The following HK2 variants were observed in gnomAD, a reference collection of about 807,000 sequenced individuals.
The protein encoded by HK2 is hexokinase 2.
HK2 carries 42 observed loss-of-function variants against 92.9 expected under a neutral mutation model. The ratio of observed to expected loss-of-function variants is 0.45; its 90% CI spans 0.35 to 0.58. The LOEUF (loss-of-function observed/expected upper bound fraction) is 0.58, where lower values mean the gene tolerates loss of function less well. Ranked by LOEUF, HK2 falls within the 20% of genes least tolerant of loss-of-function variation. The probability of loss-of-function intolerance (pLI) is 0.00; values close to 1 mark genes in which losing one functional copy is unlikely to be tolerated. For missense variants in HK2, 978 were observed against 1,245.1 expected, an observed-to-expected ratio of 0.79 and a Z score of 3.23; for synonymous variants, 422 against 468.0, an observed-to-expected ratio of 0.90 and a Z score of 1.27.
chr2:74,875,482 C>A (rs1689206872), intron 7 of HK2, among the ~76,000 whole-genome samples: 1 of 152,076 alleles, frequency 6.6e-6, no homozygotes, highest in South Asian at 2.1e-4. Flanking sequence ...GCGCCTGCCA[C>A]CACGCCCAGC....
In HK2 at chr2:74,878,714, G is replaced by A. The variant is rs769417876; in HGVS notation, c.1058G>A (p.Arg353His). The change falls in exon 9 of 18, where the codon CGT becomes CAT. Residue 353 changes from arginine (R) to histidine (H), a missense_variant. By Grantham distance (29) the Arg-to-His change is conservative. Around this residue, in one of 3 missense-constraint regions of HK2, gnomAD observed 742 missense variants for 922.5 expected, o/e 0.80. Coordinates refer to ENST00000290573, the MANE Select transcript of HK2 (RefSeq NM_000189.5). ...GAGAAGGATGGCATCCGGAAGGCCC[G>A]TGAGGTCCTGATGCGGTTGGGCCTG... ...EGEKDGIRKA[R>H]EVLMRLGLDP... 1.2e-5 allele frequency: 19 copies of A among 1,606,760 alleles called. No individual in the cohort carries two copies. The highest frequency in any genetic ancestry group is 1.5e-5 in the Non-Finnish European group (18 of 1,176,640).
At chr2:74,880,195 CTGTCTAACTATT>C (rs1474851183) in intron 9 of HK2, 58 bp from the exon 10 acceptor site, 1 of 1,551,182 alleles carries the variant, frequency 6.4e-7, no homozygotes, top group African/African-American at 1.4e-5. Context: ...CGGTGGGCAA[CTGTCTAACTATT>C]TGCACCATTG....
Position 74,881,778 on chromosome 2 carries a change from G to C in HK2, c.1638G>C (p.Arg546=). Residue 546 remains arginine, a synonymous_variant, in exon 11 of 18, where the codon CGG becomes CGC. Transcript: ENST00000290573. ...TNFRVLLVRV[R]NGKWGGVEMH... is the part of the protein sequence containing the mutation. ...TCCGGGTCCTGCTGGTCCGTGTTCGGAATGGGAAGTGGGGTGGAGTGGAGA... is the reference window on the plus strand; with the variant it reads ...TCCGGGTCCTGCTGGTCCGTGTTCGCAATGGGAAGTGGGGTGGAGTGGAGA... The C allele has an allele frequency of 6.2e-7, 1 of 1,614,222 alleles. No individual in the cohort carries two copies. Among genetic ancestry groups the C allele is most frequent in the Non-Finnish European group, 8.5e-7 (1 of 1,180,052 alleles).
intron 1 of HK2, chr2:74,835,046 G>GAGGCTGCTCCGCTGCCGC (rs1688122094): frequency 3.4e-6 from 1 of 291,600 alleles, no homozygotes; most frequent in African/African-American, 2.3e-5. Flanking sequence ...GTGGCTGCGG[G>GAGGCTGCTCCGCTGCCGC]AGGCTGCTCC....
At chr2:74,861,910 A>G (rs1339250501) in intron 2 of HK2, among the ~76,000 whole-genome samples, 58 of 152,174 alleles carry the variant, frequency 3.8e-4, no homozygotes, top group Admixed American at 3.8e-3. Context: ...AGTGAGGGTA[A>G]GGCAGTGTCA....
At chr2:74,867,504 C>T in intron 2 of HK2, 132 bp from the exon 3 acceptor site, 1 of 844,634 alleles carries the variant, frequency 1.2e-6, no homozygotes. Flanking sequence ...TATGTAATGT[C>T]TGTAGAGGAG....
rs764570766 is a variant in HK2, at chr2:74,882,167, G to A, written c.1767G>A (p.Met589Ile). 1 of 1,614,184 alleles carries A rather than the reference G, an allele frequency of 6.2e-7. No individual in the cohort carries two copies. Among genetic ancestry groups the A allele is most frequent in the South Asian group, 1.1e-5 (1 of 91,080 alleles). The stretch of plus-strand genomic sequence containing the variant: ...GCATCGCGGACTTCCTCGAGTACAT[G>A]GGCATGAAGGGCGTGTCCCTGCCTC... ...VQCIADFLEY[M>I]GMKGVSLPLG... Residue 589 changes from methionine to isoleucine, a missense_variant, in exon 12 of 18, where the codon ATG becomes ATA. Transcript: ENST00000290573.
Position 74,877,183 on chromosome 2 carries a change from G to A in HK2, c.893G>A (p.Ser298Asn), listed in dbSNP as rs1334775646. ...TCCGGCAGGTTTGAGAAGATGATCA[G>A]TGGGATGTACATGGGGGAGCTGGTG... ...PGKQLFEKMI[S>N]GMYMGELVRL... Residue 298 changes from serine (S) to asparagine (N), a missense_variant, in exon 8 of 18, where the codon AGT (serine) becomes AAT (asparagine). Physicochemically the swap from Ser to Asn is conservative, Grantham distance 46 (BLOSUM62 1). Transcript: ENST00000290573. 1 of 1,614,044 alleles carries A rather than the reference G, an allele frequency of 6.2e-7. No homozygotes were observed. Among genetic ancestry groups the A allele is most frequent in the African/African-American group, 1.3e-5 (1 of 74,940 alleles).
chr2:74,882,250 C>A lies in HK2; in HGVS notation c.1839+11C>A. On this transcript the variant is annotated intron_variant, in intron 12 of 17. Coordinates refer to ENST00000290573, the MANE Select transcript of HK2 (RefSeq NM_000189.5). ...AACAGCCTGGACGAGGTAACAGCAC[C>A]TTCCTGGAGGGCTCTCCTGTGGGCT... 6.2e-7 allele frequency: 1 copy of A among 1,613,946 alleles called. No homozygotes were observed. Among genetic ancestry groups the A allele is most frequent in the Non-Finnish European group, 8.5e-7 (1 of 1,179,888 alleles).
chr2:74,880,640 C>T, intron 10 of HK2, 71 bp downstream of exon 10: 3 of 1,453,904 alleles, frequency 2.1e-6, no homozygotes, highest in Non-Finnish European at 2.9e-6. Context: ...TGGGAGGGAT[C>T]CCTTAGCATT....
Position 74,878,930 on chromosome 2 carries a change from G to C in HK2, c.1265+9G>C. ...TACAAGAAACACCCCCAGTGAGTCA[G>C]TGTGCAGGGCCTGGAGATGCGGAGT... On this transcript the variant is annotated intron_variant, in intron 9 of 17. Coordinates refer to ENST00000290573, the MANE Select transcript of HK2 (RefSeq NM_000189.5). 7.8e-6 allele frequency: 12 copies of C among 1,547,100 alleles called. No homozygotes were observed. Among genetic ancestry groups the C allele is most frequent in the Non-Finnish European group, 1.0e-5 (12 of 1,143,118 alleles).
intron 2 of HK2, among the ~76,000 whole-genome samples, chr2:74,865,151 G>A (rs1688915976): frequency 6.6e-6 from 1 of 152,176 alleles, no homozygotes; most frequent in Non-Finnish European, 1.5e-5. Flanking sequence ...TATGGTGGTT[G>A]TGGCTTCCTA....
intron 2 of HK2, among the ~76,000 whole-genome samples, chr2:74,865,713 C>T (rs1688929782): frequency 6.6e-6 from 1 of 152,046 alleles, no homozygotes. Context: ...AAATTAGTGC[C>T]CCTAAGGAGG....
At chr2:74,878,308 C>T (rs906170380) in intron 8 of HK2, among the ~76,000 whole-genome samples, 5 of 152,306 alleles carry the variant, frequency 3.3e-5, no homozygotes, top group African/African-American at 1.2e-4. Context: ...AGATGTAACA[C>T]AAACTCTCAC....
chr2:74,859,163 C>A (rs1241750147), intron 2 of HK2, among the ~76,000 whole-genome samples: 1 of 152,224 alleles, frequency 6.6e-6, no homozygotes, highest in African/African-American at 2.4e-5. Flanking sequence ...ATCAACCCCC[C>A]AATCCTTCTA....
intron 1 of HK2, among the ~76,000 whole-genome samples, chr2:74,851,544 G>A (rs1275597537): frequency 6.6e-6 from 1 of 152,152 alleles, no homozygotes; most frequent in Non-Finnish European, 1.5e-5. Context: ...TTGCTTTTTT[G>A]TGTGCATAAC....
chr2:74,853,271 C>G (rs1441566078), intron 1 of HK2, among the ~76,000 whole-genome samples: 1 of 151,988 alleles, frequency 6.6e-6, no homozygotes, highest in Non-Finnish European at 1.5e-5. Context: ...AATCCCAGCA[C>G]TTTGGGAGGC....
At chr2:74,868,681 C>G (rs946079482) in intron 3 of HK2, among the ~76,000 whole-genome samples, 8 of 151,988 alleles carry the variant, frequency 5.3e-5, no homozygotes, top group Non-Finnish European at 1.0e-4. Flanking sequence ...CTTTTCTTCC[C>G]GTTGCCTCGA....
In HK2 at chr2:74,880,329, C is replaced by A; in HGVS notation, c.1330C>A (p.Arg444Ser). Residue 444 changes from arginine to serine, a missense_variant, in exon 10 of 18, where the codon CGC becomes AGC. Coordinates refer to ENST00000290573, the MANE Select transcript of HK2 (RefSeq NM_000189.5). ...GCCCGGCTGCGATGTCCGCTTCCTC[C>A]GCTCCGAGGATGGCAGTGGCAAAGG... ...LVPGCDVRFL[R>S]SEDGSGKGAA... The A allele has an allele frequency of 2.5e-6, 4 of 1,614,216 alleles. No homozygotes were observed. The highest frequency in any genetic ancestry group is 3.4e-6 in the Non-Finnish European group (4 of 1,180,034).
Sources: allele counts gnomAD v4.1 joint callset (sites outside exome capture counted in the v4.1 genomes callset), GRCh38; gene constraint gnomAD v4.1.1; regional missense constraint gnomAD v4.1.1; transcripts MANE v1.5; gene names NCBI Gene and HGNC (gene_info 2026-07-23, HGNC 2026-07-21).